The following OIT3 variants were observed in gnomAD, a reference collection of about 807,000 sequenced individuals.
The protein encoded by OIT3 is oncoprotein induced transcript 3.
OIT3 carries 41 observed loss-of-function variants against 52.2 expected under a neutral mutation model. The observed-to-expected ratio is 0.79, with a 90% confidence interval of 0.61 to 1.02. The LOEUF (loss-of-function observed/expected upper bound fraction) is 1.02. Among genes scored for constraint, OIT3 ranks in the 50% least tolerant of loss-of-function variants. OIT3 has a pLI of 0.00. For missense variants in OIT3, 634 were observed against 715.5 expected (o/e 0.89, Z 1.30); for synonymous variants, 244 against 276.9 (o/e 0.88, Z 1.18).
At chr10:72,914,354 T>C (rs1846055663) in intron 6 of OIT3, among the ~76,000 whole-genome samples, 1 of 152,138 alleles carries the variant, frequency 6.6e-6, no homozygotes, top group Non-Finnish European at 1.5e-5. Flanking sequence ...TGACAGCAAC[T>C]TGCAAGATGG....
At position 72,900,367 on chromosome 10, in the gene OIT3, T is replaced by C; in HGVS notation, c.437-10T>C. 1 of 1,506,538 alleles carries C rather than the reference T, an allele frequency of 6.6e-7. No homozygotes were observed. The highest frequency in any genetic ancestry group is 1.7e-5 in the Admixed American group (1 of 59,542). 93.3% of individuals were successfully genotyped at this position (1,506,538 alleles called of 1,614,324 possible). A position where few individuals can be genotyped will look rare whatever the true frequency, so the allele number is the denominator to read the frequency against. ...CTGCCCTCATGAAGATAATCTTTAT[T>C]CTTCCATAGATTTTTATGACATCTG... On this transcript the variant is annotated splice_polypyrimidine_tract_variant and intron_variant, in intron 2 of 8. Transcript: ENST00000334011.
chr10:72,927,151 CT>C (rs1846176744), intron 7 of OIT3, among the ~76,000 whole-genome samples: 1 of 151,624 alleles, frequency 6.6e-6, no homozygotes, highest in African/African-American at 2.4e-5. Context: ...ATTTTATTTC[CT>C]TTTTGAGACA....
intron 3 of OIT3, among the ~76,000 whole-genome samples, chr10:72,906,170 C>T (rs1845977104): frequency 6.6e-6 from 1 of 152,134 alleles, no homozygotes; most frequent in South Asian, 2.1e-4. Context: ...AATTGCCTTA[C>T]AAAATATTTT....
Position 72,913,321 on chromosome 10 carries a change from C to A in OIT3, c.804C>A (p.Cys268Ter). 1.2e-6 allele frequency: 2 copies of A among 1,607,150 alleles called. No individual in the cohort carries two copies. Among genetic ancestry groups the A allele is most frequent in the Non-Finnish European group, 1.7e-6 (2 of 1,174,512 alleles). The part of the protein sequence containing the change: ...DNHTCQVPVL[C>*]KSNAIEVNIP... ...TTTTCTCTGCAGTCCCTGTGTTGTGCAAATCAAATGCCATTGAAGTGAACA... is the reference window on the plus strand; with the variant it reads ...TTTTCTCTGCAGTCCCTGTGTTGTGAAAATCAAATGCCATTGAAGTGAACA... The change falls in exon 6 of 9, where the codon TGC becomes TGA. Residue 268 changes from cysteine (C) to a stop codon, truncating the protein, a stop_gained. Transcript: ENST00000334011. LOFTEE classifies it high-confidence loss of function.
intron 7 of OIT3, among the ~76,000 whole-genome samples, chr10:72,927,772 G>T (rs958959020): frequency 2.6e-5 from 4 of 152,056 alleles, no homozygotes; most frequent in African/African-American, 9.7e-5. Context: ...CTGACTTTGC[G>T]CATGCTGTTT....
At position 72,906,827 on chromosome 10, in the gene OIT3, CTG is replaced by C. The variant is rs1381017866; in HGVS notation, c.667+112_667+113del. On this transcript the variant is annotated intron_variant, in intron 4 of 8. Transcript: ENST00000334011. ...GTGTCCGAAGAGAGCAACCGTTTGG[CTG>C]TGCAAAGAAATGACAAAAGGCGTTC... The C allele has an allele frequency of 2.8e-6, 3 of 1,066,626 alleles. No homozygotes were observed. In the East Asian group the frequency reaches 8.3e-5, roughly 29 times the overall value. 66.1% of individuals were successfully genotyped at this position (1,066,626 alleles called of 1,614,324 possible).
intron 7 of OIT3, among the ~76,000 whole-genome samples, chr10:72,929,347 G>A (rs1846195321): frequency 6.6e-6 from 1 of 150,810 alleles, no homozygotes; most frequent in Admixed American, 6.6e-5. Context: ...CCACTAAAAG[G>A]CAACTATGTC....
intron 5 of OIT3, among the ~76,000 whole-genome samples, chr10:72,912,554 AGC>A (rs1846038883): frequency 6.6e-6 from 1 of 152,264 alleles, no homozygotes; most frequent in East Asian, 1.9e-4. Context: ...TACAGACATA[AGC>A]CATCGCACCT....
rs564787226 is a variant in OIT3, at chr10:72,911,732, A to G, written c.683A>G (p.His228Arg). ...GKTCEDVEGCHNNNGGCSHSC... is the reference protein window; with the variant it reads ...GKTCEDVEGCRNNNGGCSHSC... ...TCTACTGCAGACGTTGAAGGATGCC[A>G]CAATAACAATGGTGGCTGCAGCCAC... The change falls in exon 5 of 9, where the codon CAC becomes CGC. Residue 228 changes from histidine (H) to arginine (R), a missense_variant. Coordinates refer to ENST00000334011, the MANE Select transcript of OIT3 (RefSeq NM_152635.3). 56 of 1,613,712 alleles carry G rather than the reference A, an allele frequency of 3.5e-5. 1 individual carries two copies. The South Asian group carries it at 4.9e-4, about 14-fold the overall frequency.
At chr10:72,899,412 T>C (rs1042764493) in intron 2 of OIT3, among the ~76,000 whole-genome samples, 4 of 152,044 alleles carry the variant, frequency 2.6e-5, no homozygotes, top group Middle Eastern at 3.4e-3. Flanking sequence ...CTGGCCAATA[T>C]GGTGAAACCC....
At chr10:72,913,858 G>A (rs1162170606) in intron 6 of OIT3, among the ~76,000 whole-genome samples, 2 of 152,230 alleles carry the variant, frequency 1.3e-5, no homozygotes, top group East Asian at 3.8e-4. Flanking sequence ...GAACCAGGTT[G>A]AGTGAAAAGG....
chr10:72,905,615 A>T (rs1295628249), intron 3 of OIT3, among the ~76,000 whole-genome samples: 1 of 152,194 alleles, frequency 6.6e-6, no homozygotes, highest in East Asian at 1.9e-4. Flanking sequence ...CAAATTTTCC[A>T]TCAATTTCTC....
chr10:72,923,818 C>T (rs573058110), intron 6 of OIT3, among the ~76,000 whole-genome samples: 1 of 152,260 alleles, frequency 6.6e-6, no homozygotes, highest in East Asian at 1.9e-4. Context: ...TTGGACACCC[C>T]ACAGGCTGGA....
intron 1 of OIT3, among the ~76,000 whole-genome samples, chr10:72,897,249 C>T (rs1395078322): frequency 6.6e-6 from 1 of 152,138 alleles, no homozygotes; most frequent in African/African-American, 2.4e-5. Context: ...GTCTCGAACT[C>T]CTGACCTCAG....
chr10:72,915,462 G>T (rs1172110055), intron 6 of OIT3, among the ~76,000 whole-genome samples: 1 of 152,088 alleles, frequency 6.6e-6, no homozygotes, highest in African/African-American at 2.4e-5. Context: ...GTAATCCTCT[G>T]GTTGCAACAT....
chr10:72,903,975 A>G (rs1473830238), intron 3 of OIT3, among the ~76,000 whole-genome samples: 5 of 152,184 alleles, frequency 3.3e-5, no homozygotes, highest in Admixed American at 3.3e-4. Flanking sequence ...TAAGAACTAA[A>G]AGACAGAAAT....
chr10:72,894,900 A>C (rs1845861187), intron 1 of OIT3, among the ~76,000 whole-genome samples: 2 of 152,086 alleles, frequency 1.3e-5, no homozygotes, highest in African/African-American at 4.8e-5. Flanking sequence ...AAAAATAAAA[A>C]TAAAAATAAA....
In OIT3 at chr10:72,894,007, G is replaced by T. The variant is rs560233713; in HGVS notation, c.61+148G>T. 130 of 534,674 alleles carry T rather than the reference G, an allele frequency of 2.4e-4. 2 individuals carry two copies. The South Asian group carries it at 4.3e-3, about 18-fold the overall frequency. 33.1% of individuals were successfully genotyped at this position (534,674 alleles called of 1,614,324 possible). A position where few individuals can be genotyped will look rare whatever the true frequency, so the allele number is the denominator to read the frequency against. On this transcript the variant is annotated intron_variant, in intron 1 of 8. Transcript: ENST00000334011. ...AAGTCCCTAATAATCCTTGAAAATA[G>T]ATTTCCCGAGAATTTCTGTTACATG...
In OIT3 at chr10:72,924,519, C is replaced by T; in HGVS notation, c.1242C>T (p.Asp414=). The T allele has an allele frequency of 6.2e-7, 1 of 1,614,206 alleles. No individual in the cohort carries two copies. The highest frequency in any genetic ancestry group is 8.5e-7 in the Non-Finnish European group (1 of 1,180,044). ...REALPTLKLR[D]SLYFGIEPVV... ...CTCTGCCCACCCTCAAGCTTCGTGA[C>T]TCCCTCTACTTTGGCATTGAGCCCG... The change falls in exon 7 of 9, where the codon GAC becomes GAT. Residue 414 remains aspartate, a synonymous_variant. Coordinates refer to ENST00000334011, the MANE Select transcript of OIT3 (RefSeq NM_152635.3).
Sources: allele counts gnomAD v4.1 joint callset (sites outside exome capture counted in the v4.1 genomes callset), GRCh38; gene constraint gnomAD v4.1.1; transcripts MANE v1.5; gene names NCBI Gene and HGNC (gene_info 2026-07-23, HGNC 2026-07-21).